The following HSPA4 variants were observed in gnomAD, a reference collection of about 807,000 sequenced individuals.
HSPA4 encodes heat shock 70 kDa protein 4.
Under a neutral mutation model 106.2 loss-of-function variants are expected in HSPA4, and 25 were observed. The ratio of observed to expected loss-of-function variants is 0.24; its 90% CI spans 0.17 to 0.33. The LOEUF is 0.33. Ranked by LOEUF, HSPA4 falls within the 10% of genes least tolerant of loss-of-function variation. The pLI, the probability that HSPA4 is intolerant of heterozygous loss-of-function variation, is 1.00. For missense variants in HSPA4, 841 were observed against 996.0 expected, an observed-to-expected ratio of 0.84 and a Z score of 2.10; for synonymous variants, 332 against 333.6, an observed-to-expected ratio of 1.00 and a Z score of 0.05.
At chr5:133,066,070 T>C (rs928863160) in intron 2 of HSPA4, among the ~76,000 whole-genome samples, 2 of 152,248 alleles carry the variant, frequency 1.3e-5, no homozygotes, top group East Asian at 1.9e-4. Context: ...GTAGAAAATA[T>C]TGGGCCATTT....
chr5:133,106,101 A>ATTTT lies in HSPA4; in HGVS notation c.*1665_*1666insTTTT, dbSNP rs1765854579. 21 of 80,232 alleles carry ATTTT rather than the reference A, an allele frequency of 2.6e-4. No homozygotes were observed. Among genetic ancestry groups the ATTTT allele is most frequent in the African/African-American group, 6.0e-4 (12 of 19,850 alleles). 5.0% of individuals were successfully genotyped at this position (80,232 alleles called of 1,614,324 possible). ...GGCCATTTCTTCTTAAAAAAAAAAA[A>ATTTT]ATTTTTTTTTTTTTTTTTTTTTTTT... On this transcript the variant is annotated 3_prime_UTR_variant, in exon 19 of 19. Transcript: ENST00000304858.
chr5:133,089,615 C>G lies in HSPA4; in HGVS notation c.1298C>G (p.Thr433Arg), dbSNP rs759117993. 5 of 1,611,682 alleles carry G rather than the reference C, an allele frequency of 3.1e-6. No homozygotes were observed. Among genetic ancestry groups the G allele is most frequent in the Non-Finnish European group, 2.5e-6 (3 of 1,178,234 alleles). The change falls in exon 11 of 19, where the codon ACA becomes AGA. Residue 433 changes from threonine to arginine, a missense_variant. Transcript: ENST00000304858. Reference protein sequence around the residue: ...NHAAPFSKVLTFYRKEPFTLE... With the variant: ...NHAAPFSKVLRFYRKEPFTLE... ...GCTGCTCCTTTCTCTAAAGTTCTTA[C>G]ATTTTATAGAAAGGAACCTTTCACT...
At chr5:133,101,292 A>T (rs1282907153) in intron 16 of HSPA4, among the ~76,000 whole-genome samples, 3 of 152,040 alleles carry the variant, frequency 2.0e-5, no homozygotes, top group African/African-American at 7.2e-5. Context: ...TTAGTTTATG[A>T]GGAAATTGGA....
chr5:133,076,592 T>C (rs1470253419), intron 6 of HSPA4, 62 bp from the exon 7 acceptor site: 15 of 1,451,522 alleles, frequency 1.0e-5, no homozygotes, highest in South Asian at 2.5e-5. Context: ...CAGGTAAATA[T>C]ATATCATCTG....
At chr5:133,074,192 A>C in intron 6 of HSPA4, 66 bp downstream of exon 6, 1 of 1,120,920 alleles carries the variant, frequency 8.9e-7, no homozygotes, top group Non-Finnish European at 1.3e-6. Context: ...TTGAGAGACA[A>C]TGATTTTTTC....
intron 7 of HSPA4, among the ~76,000 whole-genome samples, chr5:133,085,583 C>A (rs906120797): frequency 2.0e-5 from 3 of 151,866 alleles, no homozygotes; most frequent in African/African-American, 7.3e-5. Context: ...TTGCTTGAAC[C>A]CGGAAGGTGG....
intron 15 of HSPA4, among the ~76,000 whole-genome samples, chr5:133,099,023 C>A (rs760245242): frequency 1.3e-5 from 2 of 152,114 alleles, no homozygotes; most frequent in Non-Finnish European, 2.9e-5. Context: ...TACCGAAAGC[C>A]CTCCACGGCA....
At chr5:133,093,190 G>T (rs950849814) in intron 13 of HSPA4, among the ~76,000 whole-genome samples, 1 of 151,904 alleles carries the variant, frequency 6.6e-6, no homozygotes, top group African/African-American at 2.4e-5. Context: ...TGGCTGAGGG[G>T]CAGTGTCTTG....
chr5:133,082,963 C>T (rs1205759113), intron 7 of HSPA4, among the ~76,000 whole-genome samples: 1 of 151,610 alleles, frequency 6.6e-6, no homozygotes, highest in Non-Finnish European at 1.5e-5. Context: ...GGTGAAACCC[C>T]ATCTCTACTA....
chr5:133,083,231 G>C (rs1765536540), intron 7 of HSPA4, among the ~76,000 whole-genome samples: 1 of 151,716 alleles, frequency 6.6e-6, no homozygotes, highest in Admixed American at 6.6e-5. Flanking sequence ...AGAATTGCTT[G>C]AACCTGGGAG....
intron 10 of HSPA4, 53 bp downstream of exon 10, chr5:133,089,214 T>TGA (rs1358835620): frequency 2.1e-6 from 2 of 963,788 alleles, no homozygotes; most frequent in East Asian, 4.9e-5. Context: ...CTATTAGGTC[T>TGA]GAGTAATATG....
chr5:133,099,577 T>C lies in HSPA4; in HGVS notation c.1962T>C (p.Asp654=). 6.2e-7 allele frequency: 1 copy of C among 1,601,384 alleles called. No individual in the cohort carries two copies. Among genetic ancestry groups the C allele is most frequent in the Non-Finnish European group, 8.6e-7 (1 of 1,169,474 alleles). Residue 654 remains aspartate (D), a synonymous_variant, in exon 16 of 19, where the codon GAT becomes GAC. Coordinates refer to ENST00000304858, the MANE Select transcript of HSPA4 (RefSeq NM_002154.4). The part of the protein sequence containing the change: ...DRNSFTLKLE[D]TENWLYEDGE... ...ACAGTTTTACTTTGAAACTGGAAGATACTGAAAATTGGTTGTATGAGGATG... is the reference window on the plus strand; with the variant it reads ...ACAGTTTTACTTTGAAACTGGAAGACACTGAAAATTGGTTGTATGAGGATG...
chr5:133,054,305 C>T (rs528021921), intron 1 of HSPA4, among the ~76,000 whole-genome samples: 2 of 152,060 alleles, frequency 1.3e-5, no homozygotes, highest in African/African-American at 4.8e-5. Flanking sequence ...TGGGTTCAAG[C>T]GATTCTCCTG....
chr5:133,067,600 T>C lies in HSPA4; in HGVS notation c.306+43T>C, dbSNP rs759721780. On this transcript the variant is annotated intron_variant, in intron 3 of 18. Coordinates refer to ENST00000304858, the MANE Select transcript of HSPA4 (RefSeq NM_002154.4). ...ATGCCTTTTAATTAAAATGCATTAT[T>C]ATATTTTATCAGTTCAATATCTATC... The C allele has an allele frequency of 1.0e-5, 15 of 1,487,838 alleles. No homozygotes were observed. The South Asian group carries it at 1.7e-4, about 17-fold the overall frequency. 92.2% of individuals were successfully genotyped at this position (1,487,838 alleles called of 1,614,324 possible).
Position 133,093,315 on chromosome 5 carries a change from T to TA in HSPA4, c.1650+527dup, listed in dbSNP as rs1765673119. Among the ~76,000 whole-genome samples, 4 of 152,152 alleles carry TA rather than the reference T, an allele frequency of 2.6e-5. No individual in the cohort carries two copies. The South Asian group carries it at 8.3e-4, about 32-fold the overall frequency. ...GGCCTTTAAACTCTCTCCTGGTTGA[T>TA]ACATGGGAAGAAAGCACTCAGGAAT... On this transcript the variant is annotated intron_variant, in intron 13 of 18. Coordinates refer to ENST00000304858, the MANE Select transcript of HSPA4 (RefSeq NM_002154.4).
At chr5:133,097,409 G>A (rs918590369) in intron 15 of HSPA4, 123 bp downstream of exon 15, 3 of 759,216 alleles carry the variant, frequency 4.0e-6, no homozygotes, top group Non-Finnish European at 4.1e-6. Context: ...TTTTTCTGGG[G>A]GGGGCAAAAT....
chr5:133,057,072 G>C (rs1334951449), intron 1 of HSPA4, among the ~76,000 whole-genome samples: 2 of 152,108 alleles, frequency 1.3e-5, no homozygotes, highest in South Asian at 2.1e-4. Flanking sequence ...AAGTGCAAAG[G>C]TTAATTACTG....
intron 13 of HSPA4, among the ~76,000 whole-genome samples, chr5:133,095,301 C>CA (rs1253355245): frequency 2.6e-5 from 4 of 151,802 alleles, no homozygotes; most frequent in Admixed American, 6.5e-5. Context: ...GACTCCATCT[C>CA]AAAAAAACAA....
intron 9 of HSPA4, among the ~76,000 whole-genome samples, chr5:133,088,826 A>G (rs1312199597): frequency 6.6e-6 from 1 of 152,250 alleles, no homozygotes; most frequent in Non-Finnish European, 1.5e-5. Context: ...GAAATAGTGT[A>G]CATTAATTAA....
Sources: allele counts gnomAD v4.1 joint callset (sites outside exome capture counted in the v4.1 genomes callset), GRCh38; gene constraint gnomAD v4.1.1; transcripts MANE v1.5; gene names NCBI Gene and HGNC (gene_info 2026-07-23, HGNC 2026-07-21).